The following CMPK1 variants were observed in gnomAD, a reference collection of about 807,000 sequenced individuals.
CMPK1 encodes cytidine/uridine monophosphate kinase 1.
A neutral mutation model predicts 25.7 loss-of-function variants in CMPK1; 10 were observed. The ratio of observed to expected loss-of-function variants is 0.39; its 90% CI spans 0.24 to 0.66. The LOEUF is 0.66. CMPK1 is among the 30% of genes least tolerant of loss of function. CMPK1 has a pLI of 0.48. For synonymous variants in CMPK1, 106 were observed against 101.5 expected (o/e 1.04, Z -0.27); for missense variants, 199 against 280.5 (o/e 0.71, Z 2.08).
intron 1 of CMPK1, among the ~76,000 whole-genome samples, chr1:47,335,919 C>A (rs1352826900): frequency 6.6e-6 from 1 of 151,932 alleles, no homozygotes; most frequent in African/African-American, 2.4e-5. Context: ...TGCGCCACCA[C>A]GCCTGGCTAA....
chr1:47,359,871 A>G (rs555842360), intron 1 of CMPK1, among the ~76,000 whole-genome samples: 1 of 152,136 alleles, frequency 6.6e-6, no homozygotes, highest in South Asian at 2.1e-4. Flanking sequence ...GAGTGATTTG[A>G]TGTATACAAA....
chr1:47,375,112 A>G, intron 4 of CMPK1, 85 bp from the exon 5 acceptor site: 1 of 1,260,226 alleles, frequency 7.9e-7, no homozygotes, highest in Non-Finnish European at 1.2e-6. Flanking sequence ...CAGTCGGGGC[A>G]GATCCAGTGT....
At chr1:47,351,908 G>C (rs971946527) in intron 1 of CMPK1, among the ~76,000 whole-genome samples, 1 of 152,056 alleles carries the variant, frequency 6.6e-6, no homozygotes, top group Non-Finnish European at 1.5e-5. Flanking sequence ...GGCTAAGGCA[G>C]GTGGATCATT....
At chr1:47,346,799 G>A (rs1007298408) in intron 1 of CMPK1, among the ~76,000 whole-genome samples, 3 of 151,794 alleles carry the variant, frequency 2.0e-5, no homozygotes, top group South Asian at 2.1e-4. Flanking sequence ...CACCGTGCCC[G>A]GCCCGTTTGT....
Position 47,333,981 on chromosome 1 carries a change from C to A in CMPK1, c.36C>A (p.Val12=). 2 of 1,534,328 alleles carry A rather than the reference C, an allele frequency of 1.3e-6. No individual in the cohort carries two copies. The highest frequency in any genetic ancestry group is 1.2e-5 in the South Asian group (1 of 82,856). ...LSRCRSGLLH[V]LGLSFLLQTR... ...GCTGCCGCAGCGGGCTGCTCCACGT[C>A]CTGGGCCTTAGCTTCCTGCTGCAGA... Residue 12 remains valine, a synonymous_variant, in exon 1 of 6, where the codon GTC becomes GTA. Transcript: ENST00000371873.
At chr1:47,353,666 TC>T (rs755477258) in intron 1 of CMPK1, among the ~76,000 whole-genome samples, 10 of 152,194 alleles carry the variant, frequency 6.6e-5, no homozygotes, top group Non-Finnish European at 2.9e-5. Context: ...TTTGCTGTGC[TC>T]TTAGGATTTG....
chr1:47,358,692 G>C, intron 1 of CMPK1: 1 of 985,538 alleles, frequency 1.0e-6, no homozygotes, highest in Non-Finnish European at 1.2e-6. Context: ...TAAGGTTCAG[G>C]TTCTTGTGAT....
At chr1:47,354,384 A>G (rs1646543944) in intron 1 of CMPK1, among the ~76,000 whole-genome samples, 1 of 152,146 alleles carries the variant, frequency 6.6e-6, no homozygotes, top group Admixed American at 6.6e-5. Context: ...TAAAATTTTT[A>G]AAGTTTATAT....
chr1:47,355,669 C>T (rs1646555963), intron 1 of CMPK1, among the ~76,000 whole-genome samples: 1 of 150,686 alleles, frequency 6.6e-6, no homozygotes. Flanking sequence ...TGCAGTGGTG[C>T]AATCTTGGCT....
At chr1:47,340,754 C>T (rs1256175404) in intron 1 of CMPK1, among the ~76,000 whole-genome samples, 1 of 152,164 alleles carries the variant, frequency 6.6e-6, no homozygotes, top group African/African-American at 2.4e-5. Flanking sequence ...TCTCCTGCCT[C>T]AGCCTCCTGA....
intron 1 of CMPK1, among the ~76,000 whole-genome samples, chr1:47,346,526 C>T (rs140100382): frequency 1.3e-3 from 193 of 149,612 alleles, no homozygotes; most frequent in African/African-American, 4.3e-3. Flanking sequence ...TTTTTTGAGT[C>T]GGAGTTTCAC....
intron 1 of CMPK1, among the ~76,000 whole-genome samples, chr1:47,345,298 A>C (rs553621214): frequency 6.6e-6 from 1 of 151,776 alleles, no homozygotes; most frequent in South Asian, 2.1e-4. Flanking sequence ...TTCTCAGTTT[A>C]TGATGCCCTT....
chr1:47,364,418 C>T (rs1040815942), intron 1 of CMPK1, among the ~76,000 whole-genome samples: 2 of 151,558 alleles, frequency 1.3e-5, no homozygotes, highest in East Asian at 1.9e-4. Flanking sequence ...CCCGGGTTCA[C>T]GCCATTCTCC....
intron 1 of CMPK1, among the ~76,000 whole-genome samples, chr1:47,364,227 C>T (rs887663291): frequency 2.6e-5 from 4 of 152,126 alleles, no homozygotes; most frequent in African/African-American, 9.7e-5. Flanking sequence ...GCAACATAAC[C>T]TTAGTCTTCG....
intron 1 of CMPK1, among the ~76,000 whole-genome samples, chr1:47,342,796 C>T (rs1646451163): frequency 6.6e-6 from 1 of 151,274 alleles, no homozygotes; most frequent in Middle Eastern, 3.4e-3. Context: ...ATTACAGGCA[C>T]TTGCCACCAT....
intron 2 of CMPK1, among the ~76,000 whole-genome samples, chr1:47,370,163 C>T (rs1316858384): frequency 6.8e-6 from 1 of 146,288 alleles, no homozygotes; most frequent in Non-Finnish European, 1.5e-5. Context: ...ACGATCCACC[C>T]GCTTGGGCCT....
chr1:47,363,399 G>A (rs1029111331), intron 1 of CMPK1, among the ~76,000 whole-genome samples: 3 of 151,486 alleles, frequency 2.0e-5, no homozygotes, highest in East Asian at 1.9e-4. Context: ...AGGCCGAGGC[G>A]GGTGGATCAT....
chr1:47,357,539 C>T (rs905288243), intron 1 of CMPK1, among the ~76,000 whole-genome samples: 1 of 147,024 alleles, frequency 6.8e-6, no homozygotes, highest in African/African-American at 2.5e-5. Flanking sequence ...GGCTGAAGTG[C>T]GGTGGTGTGA....
intron 1 of CMPK1, among the ~76,000 whole-genome samples, chr1:47,342,509 C>T (rs1254814816): frequency 2.0e-5 from 3 of 151,980 alleles, no homozygotes; most frequent in Non-Finnish European, 4.4e-5. Flanking sequence ...CAAGTTGACA[C>T]CAAAAATTAA....
Sources: gnomAD v4.1 joint callset for allele counts (sites outside exome capture counted in the v4.1 genomes callset) on GRCh38, gnomAD v4.1.1 for gene constraint, MANE v1.5 for transcripts, NCBI Gene and HGNC (gene_info 2026-07-23, HGNC 2026-07-21) for gene names.